Variants in YEATS2 observed in about 807,000 individuals in gnomAD.
YEATS2 encodes the protein YEATS domain containing 2.
In YEATS2, 77 loss-of-function variants were observed where a neutral mutation model predicts 163.2. That is an observed-to-expected ratio of 0.47 (90% CI 0.39 to 0.57). The LOEUF (loss-of-function observed/expected upper bound fraction) is 0.57, where lower values mean the gene tolerates loss of function less well. YEATS2 is among the 20% of genes least tolerant of loss of function. The probability of loss-of-function intolerance (pLI) is 0.00; values close to 1 mark genes in which losing one functional copy is unlikely to be tolerated. For synonymous variants in YEATS2, 631 were observed against 645.1 expected (o/e 0.98, Z 0.33); for missense variants, 1,549 against 1,729.8 (o/e 0.90, Z 1.85).
At chr3:183,785,081 A>C (rs1194053965) in intron 19 of YEATS2, among the ~76,000 whole-genome samples, 1 of 151,812 alleles carries the variant, frequency 6.6e-6, no homozygotes, top group Non-Finnish European at 1.5e-5. Context: ...TCAAAAAAAA[A>C]AGTTTGTTGA....
At chr3:183,798,145 C>T in intron 22 of YEATS2, 94 bp downstream of exon 22, 2 of 1,546,780 alleles carry the variant, frequency 1.3e-6, no homozygotes, top group Non-Finnish European at 8.8e-7. Context: ...TGTACAGCCA[C>T]CCTTCAGCTG....
chr3:183,751,053 A>T (rs1470528753), intron 9 of YEATS2, among the ~76,000 whole-genome samples: 1 of 151,620 alleles, frequency 6.6e-6, no homozygotes, highest in Non-Finnish European at 1.5e-5. Flanking sequence ...TTTCCCTTAC[A>T]TTTTCTTCTA....
intron 15 of YEATS2, among the ~76,000 whole-genome samples, chr3:183,767,762 C>T (rs1722055288): frequency 6.6e-6 from 1 of 151,710 alleles, no homozygotes; most frequent in Non-Finnish European, 1.5e-5. Flanking sequence ...AATGATCCGC[C>T]CACCTCGGCC....
chr3:183,723,037 A>G (rs557847972), intron 5 of YEATS2, among the ~76,000 whole-genome samples: 4 of 152,296 alleles, frequency 2.6e-5, no homozygotes, highest in African/African-American at 9.6e-5. Context: ...TGTGAAAGAA[A>G]CCTTCTAGCT....
intron 12 of YEATS2, among the ~76,000 whole-genome samples, chr3:183,757,529 C>G (rs2109323125): frequency 6.6e-6 from 1 of 152,222 alleles, no homozygotes; most frequent in South Asian, 2.1e-4. Flanking sequence ...ATCCACCTGC[C>G]TCAGCCTCCC....
chr3:183,701,022 ACT>A (rs1001101846), intron 1 of YEATS2, among the ~76,000 whole-genome samples: 20 of 147,404 alleles, frequency 1.4e-4, no homozygotes, highest in African/African-American at 5.0e-4. Flanking sequence ...ACTGAATTGC[ACT>A]CTTTTAACTG....
rs1343006316 is a variant in YEATS2 at position 183,732,941 on chromosome 3, GCCTCGAACT to G, written c.813-3773_813-3765del. On this transcript the variant is annotated intron_variant, in intron 7 of 30. Coordinates refer to ENST00000305135, the MANE Select transcript of YEATS2 (RefSeq NM_018023.5). ...AGTGCCATGATTATAGCTCACTGCA[GCCTCGAACT>G]CCTGGGCTCGAACTGTCCTCCTACT... 4.6e-5 allele frequency among the ~76,000 whole-genome samples: 7 copies of G among 152,080 alleles called. No homozygotes were observed. In the East Asian group the frequency reaches 7.7e-4, roughly 17 times the overall value.
chr3:183,700,807 G>A (rs1397537381), intron 1 of YEATS2, among the ~76,000 whole-genome samples: 2 of 143,682 alleles, frequency 1.4e-5, no homozygotes. Flanking sequence ...GATACAAAAA[G>A]CCACGTGCTG....
chr3:183,740,960 A>G (rs552897648), intron 8 of YEATS2, among the ~76,000 whole-genome samples: 57 of 151,968 alleles, frequency 3.8e-4, no homozygotes, highest in Middle Eastern at 3.4e-3. Flanking sequence ...TTTTTTTGAG[A>G]TAGAGTCTTG....
chr3:183,768,057 G>GTT (rs980890707), intron 15 of YEATS2, among the ~76,000 whole-genome samples: 2 of 152,204 alleles, frequency 1.3e-5, no homozygotes, highest in Non-Finnish European at 2.9e-5. Context: ...TGTTTGGGAG[G>GTT]TTTGAAGACT....
intron 15 of YEATS2, among the ~76,000 whole-genome samples, chr3:183,764,579 G>A (rs555316543): frequency 1.2e-4 from 18 of 152,194 alleles, no homozygotes; most frequent in African/African-American, 3.6e-4. Flanking sequence ...GGAGGTCAAG[G>A]CGGGTGGATC....
chr3:183,791,040 G>C, intron 21 of YEATS2, 60 bp downstream of exon 21: 2 of 1,572,560 alleles, frequency 1.3e-6, no homozygotes, highest in Non-Finnish European at 1.7e-6. Flanking sequence ...GAATATTTTT[G>C]TTTGTTTGTT....
At chr3:183,784,848 C>A (rs536481680) in intron 19 of YEATS2, among the ~76,000 whole-genome samples, 1 of 149,522 alleles carries the variant, frequency 6.7e-6, no homozygotes, top group East Asian at 2.0e-4. Flanking sequence ...CTGAGACGGG[C>A]GGATCACCTG....
intron 15 of YEATS2, among the ~76,000 whole-genome samples, chr3:183,767,557 AT>A (rs1182693992): frequency 6.6e-6 from 1 of 151,748 alleles, no homozygotes; most frequent in African/African-American, 2.4e-5. Flanking sequence ...ATTTTTTTGT[AT>A]TTTTAGTAGA....
At chr3:183,726,982 G>T (rs1255954623) in intron 6 of YEATS2, among the ~76,000 whole-genome samples, 1 of 152,078 alleles carries the variant, frequency 6.6e-6, no homozygotes, top group African/African-American at 2.4e-5. Flanking sequence ...TGTATTCTTA[G>T]TAGAGATGGG....
rs369097219 is a variant in YEATS2 at position 183,810,585 on chromosome 3, C to A, written c.*2C>A. ...GGAATATTGAATGAGGACCAGTGAG[C>A]GGAGTGAGGTGCCCTGGAGAAGCAG... On this transcript the variant is annotated 3_prime_UTR_variant, in exon 31 of 31. Coordinates refer to ENST00000305135, the MANE Select transcript of YEATS2 (RefSeq NM_018023.5). 1 of 1,612,764 alleles carries A rather than the reference C, an allele frequency of 6.2e-7. No individual in the cohort carries two copies. Among genetic ancestry groups the A allele is most frequent in the Non-Finnish European group, 8.5e-7 (1 of 1,178,946 alleles).
intron 2 of YEATS2, among the ~76,000 whole-genome samples, chr3:183,716,115 A>T (rs1282165532): frequency 6.6e-6 from 1 of 151,866 alleles, no homozygotes; most frequent in Non-Finnish European, 1.5e-5. Context: ...ACCCGCCACC[A>T]CGCCTTGCTA....
At chr3:183,785,349 G>C (rs754852985) in intron 19 of YEATS2, among the ~76,000 whole-genome samples, 2 of 151,234 alleles carry the variant, frequency 1.3e-5, no homozygotes, top group South Asian at 4.2e-4. Flanking sequence ...TTAGTTGGGC[G>C]TGGTGGCACG....
Position 183,791,678 on chromosome 3 carries a change from C to A in YEATS2, c.3097+698C>A, listed in dbSNP as rs1211409336. 3.9e-5 allele frequency among the ~76,000 whole-genome samples: 6 copies of A among 152,054 alleles called. No individual in the cohort carries two copies. In the East Asian group the frequency reaches 9.6e-4, roughly 24 times the overall value. ...ACTATAAAATGTATACCTTTCTTTG[C>A]TTTTATAAAGTATATAAAATATATC... is the stretch of plus-strand genomic sequence containing the variant. On this transcript the variant is annotated intron_variant, in intron 21 of 30. Transcript: ENST00000305135.
Sources: gnomAD v4.1 joint callset for allele counts (sites outside exome capture counted in the v4.1 genomes callset) on GRCh38, gnomAD v4.1.1 for gene constraint, MANE v1.5 for transcripts, NCBI Gene and HGNC (gene_info 2026-07-23, HGNC 2026-07-21) for gene names.